Variants in AIG1 observed in about 807,000 individuals in gnomAD.
AIG1 encodes androgen induced 1, also known as androgen-induced gene 1 protein.
In AIG1, 23 loss-of-function variants were observed where a neutral mutation model predicts 31.4. The observed-to-expected ratio is 0.73, with a 90% CI of 0.53 to 1.04. AIG1 has a LOEUF of 1.04. AIG1 is among the 50% of genes least tolerant of loss of function. The probability of loss-of-function intolerance (pLI) is 0.00; values close to 1 mark genes in which losing one functional copy is unlikely to be tolerated. For synonymous variants in AIG1, 100 were observed against 110.5 expected, an observed-to-expected ratio of 0.90 and a Z score of 0.60; for missense variants, 274 against 295.0, an observed-to-expected ratio of 0.93 and a Z score of 0.52.
chr6:143,313,620 G>T (rs977075989), intron 4 of AIG1, among the ~76,000 whole-genome samples: 37 of 151,922 alleles, frequency 2.4e-4, no homozygotes, highest in Non-Finnish European at 4.4e-4. Context: ...TAAAAAGAAT[G>T]AATAAGATCT....
intron 3 of AIG1, among the ~76,000 whole-genome samples, chr6:143,270,344 C>T (rs1456004337): frequency 6.6e-6 from 1 of 152,132 alleles, no homozygotes; most frequent in Non-Finnish European, 1.5e-5. Context: ...AAAACATGAG[C>T]AAAGACCTGA....
intron 1 of AIG1, among the ~76,000 whole-genome samples, chr6:143,128,008 A>T (rs1444064751): frequency 6.6e-6 from 1 of 152,184 alleles, no homozygotes; most frequent in African/African-American, 2.4e-5. Flanking sequence ...TTAGTTGAGG[A>T]TATTGAAGAT....
intron 3 of AIG1, chr6:143,187,789 G>A: frequency 6.6e-7 from 1 of 1,504,858 alleles, no homozygotes; most frequent in South Asian, 1.3e-5. Flanking sequence ...AAATGACCTT[G>A]AAGCGAAGTT....
intron 1 of AIG1, among the ~76,000 whole-genome samples, chr6:143,076,822 C>T (rs9496513): frequency 0.013 from 2,046 of 152,148 alleles, 43 homozygotes; most frequent in African/African-American, 0.046. Context: ...CAGGCACCTA[C>T]CACCACGCCC....
intron 3 of AIG1, among the ~76,000 whole-genome samples, chr6:143,198,618 G>A (rs532462631): frequency 6.6e-6 from 1 of 152,284 alleles, no homozygotes; most frequent in South Asian, 2.1e-4. Context: ...GTCATCTAGG[G>A]CCTGAGGCTC....
chr6:143,166,711 A>G (rs1786988593), intron 3 of AIG1, among the ~76,000 whole-genome samples: 1 of 152,146 alleles, frequency 6.6e-6, no homozygotes, highest in African/African-American at 2.4e-5. Flanking sequence ...ATTCTTTGCC[A>G]GTTACATAGC....
chr6:143,138,910 A>C, intron 2 of AIG1, among the ~76,000 whole-genome samples: 1 of 151,808 alleles, frequency 6.6e-6, no homozygotes, highest in African/African-American at 2.4e-5. Flanking sequence ...AAAAAAAAAA[A>C]AGTAAACATG....
intron 4 of AIG1, among the ~76,000 whole-genome samples, chr6:143,309,268 A>G (rs1209386781): frequency 6.6e-6 from 1 of 152,060 alleles, no homozygotes; most frequent in African/African-American, 2.4e-5. Context: ...GACCTACCCT[A>G]GAATAAATAT....
At chr6:143,062,265 C>T (rs1459976465) in intron 1 of AIG1, among the ~76,000 whole-genome samples, 2 of 152,212 alleles carry the variant, frequency 1.3e-5, no homozygotes, top group Non-Finnish European at 2.9e-5. Flanking sequence ...AGTCTCCAAA[C>T]TGTGCACATA....
intron 1 of AIG1, among the ~76,000 whole-genome samples, chr6:143,119,560 CT>C (rs1246220959): frequency 6.6e-6 from 1 of 152,212 alleles, no homozygotes; most frequent in Non-Finnish European, 1.5e-5. Context: ...CCTTACAAAA[CT>C]GTAGGGCCTT....
At chr6:143,182,622 G>A (rs1318232060) in intron 3 of AIG1, among the ~76,000 whole-genome samples, 1 of 151,950 alleles carries the variant, frequency 6.6e-6, no homozygotes, top group African/African-American at 2.4e-5. Flanking sequence ...CCTTCCCATG[G>A]CACTAATCAT....
At chr6:143,323,543 T>C (rs1357514905) in intron 4 of AIG1, among the ~76,000 whole-genome samples, 5 of 152,222 alleles carry the variant, frequency 3.3e-5, no homozygotes, top group African/African-American at 1.2e-4. Flanking sequence ...ATGATTTCAA[T>C]ATTATTTCAG....
chr6:143,294,297 C>T (rs1047021618), intron 4 of AIG1, among the ~76,000 whole-genome samples: 3 of 152,226 alleles, frequency 2.0e-5, no homozygotes, highest in African/African-American at 7.2e-5. Context: ...CATCTAGCTG[C>T]TTCCCTATTT....
chr6:143,068,874 A>C (rs1776980095), intron 1 of AIG1, among the ~76,000 whole-genome samples: 2 of 152,306 alleles, frequency 1.3e-5, no homozygotes, highest in Admixed American at 1.3e-4. Flanking sequence ...AAAATTACGG[A>C]TATCACTTAG....
chr6:143,294,717 T>C (rs186235096), intron 4 of AIG1, among the ~76,000 whole-genome samples: 4 of 152,336 alleles, frequency 2.6e-5, no homozygotes, highest in East Asian at 3.9e-4. Flanking sequence ...CTCTTCTCAA[T>C]TGACATTTCA....
chr6:143,294,757 C>T (rs1248862945), intron 4 of AIG1, among the ~76,000 whole-genome samples: 2 of 152,152 alleles, frequency 1.3e-5, no homozygotes, highest in African/African-American at 4.8e-5. Context: ...AACCCCCCCT[C>T]TTCCTGATAC....
intron 3 of AIG1, among the ~76,000 whole-genome samples, chr6:143,199,378 ATAG>A (rs1220773909): frequency 6.6e-6 from 1 of 152,112 alleles, no homozygotes; most frequent in Non-Finnish European, 1.5e-5. Context: ...GGGGTGATGA[ATAG>A]TTGAAATTAA....
At chr6:143,271,138 G>A (rs931836661) in intron 3 of AIG1, among the ~76,000 whole-genome samples, 1 of 152,234 alleles carries the variant, frequency 6.6e-6, no homozygotes, top group Non-Finnish European at 1.5e-5. Flanking sequence ...GTTTGCAGAT[G>A]TCAGTGCAGA....
intron 1 of AIG1, among the ~76,000 whole-genome samples, chr6:143,088,398 A>T (rs963151119): frequency 9.2e-5 from 14 of 152,234 alleles, no homozygotes; most frequent in African/African-American, 3.1e-4. Context: ...AGAGAAGATT[A>T]CTTCTGTATC....
Sources: gnomAD v4.1 joint callset for allele counts (sites outside exome capture counted in the v4.1 genomes callset) on GRCh38, gnomAD v4.1.1 for gene constraint, MANE v1.5 for transcripts, NCBI Gene and HGNC (gene_info 2026-07-23, HGNC 2026-07-21) for gene names.